B4GALT4: variants seen among roughly 807,000 people sequenced by gnomAD.
B4GALT4 encodes the protein beta-1,4-galactosyltransferase 4, also known as N-acetyllactosamine synthase.
Under a neutral mutation model 37.3 loss-of-function variants are expected in B4GALT4, and 27 were observed. That is an observed-to-expected ratio of 0.72 (90% CI 0.53 to 1.00). The LOEUF is 1.00. B4GALT4 is among the 50% of genes least tolerant of loss of function. B4GALT4 has a pLI of 0.00. For missense variants in B4GALT4, 372 were observed against 413.1 expected (o/e 0.90, Z 0.86); for synonymous variants, 148 against 154.1 (o/e 0.96, Z 0.29).
At chr3:119,225,235 T>TA (rs2078572201) in intron 4 of B4GALT4, among the ~76,000 whole-genome samples, 1 of 152,194 alleles carries the variant, frequency 6.6e-6, no homozygotes, top group Admixed American at 6.5e-5. Context: ...GAAGCTGTAA[T>TA]AAAAAAATTA....
chr3:119,225,695 C>T (rs2078594937), intron 4 of B4GALT4, among the ~76,000 whole-genome samples: 1 of 152,110 alleles, frequency 6.6e-6, no homozygotes, highest in Admixed American at 6.5e-5. Context: ...TCCCAAAGTG[C>T]TGAGCCACCG....
At chr3:119,232,128 C>A (rs2078843315) in intron 2 of B4GALT4, among the ~76,000 whole-genome samples, 1 of 151,960 alleles carries the variant, frequency 6.6e-6, no homozygotes, top group African/African-American at 2.4e-5. Context: ...AAACACAATG[C>A]TATAGATGAA....
At chr3:119,217,673 T>G (rs1382145751) in intron 6 of B4GALT4, among the ~76,000 whole-genome samples, 1 of 151,834 alleles carries the variant, frequency 6.6e-6, no homozygotes, top group African/African-American at 2.4e-5. Context: ...AAACCTGGCC[T>G]TTACTAAAAA....
chr3:119,213,729 C>T (rs1269121776), intron 7 of B4GALT4: 1 of 152,180 alleles, frequency 6.6e-6, no homozygotes, highest in African/African-American at 2.4e-5. Flanking sequence ...CAGCAGTGTT[C>T]ATGGCATCAA....
chr3:119,234,945 CCTG>C (rs1356023329), intron 2 of B4GALT4: 3 of 152,140 alleles, frequency 2.0e-5, no homozygotes, highest in African/African-American at 7.2e-5. Flanking sequence ...TTTCTGACTA[CCTG>C]CTATTTTCAA....
At chr3:119,220,151 G>C (rs2078407694) in intron 5 of B4GALT4, among the ~76,000 whole-genome samples, 1 of 152,164 alleles carries the variant, frequency 6.6e-6, no homozygotes, top group African/African-American at 2.4e-5. Context: ...CTGGGAAATT[G>C]TATTTTTGCA....
At position 119,224,050 on chromosome 3, in the gene B4GALT4, C is replaced by T. The variant is rs770854162; in HGVS notation, c.674+8G>A. The T allele has an allele frequency of 6.2e-7, 1 of 1,605,236 alleles. No individual in the cohort carries two copies. The highest frequency in any genetic ancestry group is 8.5e-7 in the Non-Finnish European group (1 of 1,176,390). Reference sequence around the variant, plus strand: ...CGACCTAAGCCACCCTCAGCAGAACCACCTTACCTGTACCCAGTGCTGTTC... The same window carrying T: ...CGACCTAAGCCACCCTCAGCAGAACTACCTTACCTGTACCCAGTGCTGTTC... On this transcript the variant is annotated splice_region_variant and intron_variant, in intron 5 of 7. Transcript: ENST00000393765.
intron 3 of B4GALT4, among the ~76,000 whole-genome samples, chr3:119,228,764 G>A (rs1222594596): frequency 6.9e-6 from 1 of 144,840 alleles, no homozygotes; most frequent in East Asian, 2.1e-4. Flanking sequence ...CCTCTGGGAA[G>A]TAACTAGGTT....
In B4GALT4 at chr3:119,229,957, A is replaced by G; in HGVS notation, c.143T>C (p.Met48Thr). 6.2e-7 allele frequency: 1 copy of G among 1,614,202 alleles called. No homozygotes were observed. The highest frequency in any genetic ancestry group is 1.1e-5 in the South Asian group (1 of 91,078). Residue 48 changes from methionine (M) to threonine (T), a missense_variant, in exon 3 of 8, where the codon ATG becomes ACG. Physicochemically the swap from Met to Thr is moderately conservative, Grantham distance 81. Coordinates refer to ENST00000393765, the MANE Select transcript of B4GALT4 (RefSeq NM_003778.4). ...IQEIPKAKEF[M>T]ANFHKTLILG... ...AATGAGGGTCTTATGGAAATTAGCC[A>G]TGAACTCCTTTGCTTTAGGAATCTC...
intron 7 of B4GALT4, 73 bp downstream of exon 7, chr3:119,216,167 G>T: frequency 8.2e-7 from 1 of 1,212,482 alleles, no homozygotes. Context: ...AAATCTGATC[G>T]AATTCAACAT....
intron 1 of B4GALT4, among the ~76,000 whole-genome samples, chr3:119,238,263 T>TAAAAAA (rs35361911): frequency 1.8e-5 from 2 of 109,078 alleles, no homozygotes; most frequent in Non-Finnish European, 3.6e-5. Context: ...ACCCTGTCTC[T>TAAAAAA]AAAAAAAAAA....
At chr3:119,234,799 A>T (rs1315987604) in intron 2 of B4GALT4, among the ~76,000 whole-genome samples, 1 of 152,230 alleles carries the variant, frequency 6.6e-6, no homozygotes, top group Non-Finnish European at 1.5e-5. Flanking sequence ...TATTGAGAAC[A>T]AATTCAGGCA....
chr3:119,233,834 A>C (rs2078899027), intron 2 of B4GALT4, among the ~76,000 whole-genome samples: 1 of 152,196 alleles, frequency 6.6e-6, no homozygotes, highest in East Asian at 1.9e-4. Context: ...TCTAAGTCTA[A>C]GTGCTCTCCC....
chr3:119,228,594 C>T (rs1360364132), intron 3 of B4GALT4, among the ~76,000 whole-genome samples: 1 of 152,174 alleles, frequency 6.6e-6, no homozygotes, highest in African/African-American at 2.4e-5. Flanking sequence ...AAGGAATACA[C>T]AATCAGGAAT....
chr3:119,214,654 G>A (rs1387496329), intron 7 of B4GALT4: 2 of 152,158 alleles, frequency 1.3e-5, no homozygotes, highest in African/African-American at 4.8e-5. Context: ...TTTAATCAGT[G>A]CTTGACTCTT....
intron 5 of B4GALT4, 117 bp from the exon 6 acceptor site, chr3:119,218,889 C>T: frequency 1.6e-6 from 2 of 1,240,480 alleles, no homozygotes; most frequent in Non-Finnish European, 2.3e-6. Flanking sequence ...CCCACTCCTG[C>T]TTCTCCTGCT....
chr3:119,233,414 A>C (rs1285343244), intron 2 of B4GALT4, among the ~76,000 whole-genome samples: 4 of 152,094 alleles, frequency 2.6e-5, no homozygotes, highest in Non-Finnish European at 4.4e-5. Flanking sequence ...CTCCACTTAT[A>C]CTCAGATTGT....
At chr3:119,222,623 T>C (rs1401800730) in intron 5 of B4GALT4, among the ~76,000 whole-genome samples, 1 of 152,222 alleles carries the variant, frequency 6.6e-6, no homozygotes, top group East Asian at 1.9e-4. Context: ...CTGCGTAATC[T>C]GGCTCCTGCT....
chr3:119,213,901 G>A (rs1327464189), intron 7 of B4GALT4: 1 of 152,168 alleles, frequency 6.6e-6, no homozygotes, highest in Non-Finnish European at 1.5e-5. Flanking sequence ...TCTACCAAAA[G>A]GGTGAAAAGC....
Sources: allele counts gnomAD v4.1 joint callset (sites outside exome capture counted in the v4.1 genomes callset), GRCh38; gene constraint gnomAD v4.1.1; transcripts MANE v1.5; gene names NCBI Gene and HGNC (gene_info 2026-07-23, HGNC 2026-07-21).